Variants in WRN observed in about 807,000 individuals in gnomAD.
The protein encoded by WRN is WRN RecQ like helicase.
A neutral mutation model predicts 180.7 loss-of-function variants in WRN; 149 were observed. The ratio of observed to expected loss-of-function variants is 0.82; its 90% CI spans 0.72 to 0.94. The LOEUF (loss-of-function observed/expected upper bound fraction) is 0.94. Ranked by LOEUF, WRN falls within the 40% of genes least tolerant of loss-of-function variation. WRN has a pLI of 0.00. For missense variants in WRN, 1,661 were observed against 1,700.1 expected, an observed-to-expected ratio of 0.98 and a Z score of 0.40; for synonymous variants, 548 against 568.9, an observed-to-expected ratio of 0.96 and a Z score of 0.52.
chr8:31,090,034 T>G (rs999707957), intron 13 of WRN, among the ~76,000 whole-genome samples: 1 of 151,876 alleles, frequency 6.6e-6, no homozygotes, highest in African/African-American at 2.4e-5. Flanking sequence ...AAACTTTAAG[T>G]GTACATTTGC....
At position 31,081,198 on chromosome 8, in the gene WRN, T is replaced by A. The variant is rs1060500062; in HGVS notation, c.1171T>A (p.Cys391Ser). ...NKLKENMERACLMSLDITEHE... is the reference protein window; with the variant it reads ...NKLKENMERASLMSLDITEHE... ...ATTGAAAGAGAATATGGAAAGAGCT[T>A]GTTTGATGTCGTTAGATATTACAGA... is the stretch of plus-strand genomic sequence containing the variant. Residue 391 changes from cysteine to serine, a missense_variant, in exon 9 of 35, where the codon TGT becomes AGT. By Grantham distance (112) the Cys-to-Ser change is moderately radical (BLOSUM62 -1). Transcript: ENST00000298139. 1.2e-6 allele frequency: 2 copies of A among 1,613,816 alleles called. No individual in the cohort carries two copies. Among genetic ancestry groups the A allele is most frequent in the African/African-American group, 2.7e-5 (2 of 74,916 alleles).
chr8:31,149,395 T>TA (rs1233590009), intron 30 of WRN, among the ~76,000 whole-genome samples: 11 of 133,130 alleles, frequency 8.3e-5, no homozygotes, highest in African/African-American at 1.7e-4. Context: ...AGACTCCGTC[T>TA]AAAAAAAAAA....
intron 19 of WRN, among the ~76,000 whole-genome samples, chr8:31,115,553 T>G (rs1801486039): frequency 6.6e-6 from 1 of 152,224 alleles, no homozygotes; most frequent in African/African-American, 2.4e-5. Flanking sequence ...AAGCAAATAT[T>G]TTTGTAAATT....
chr8:31,101,981 C>T lies in WRN; in HGVS notation c.2088+1026C>T, dbSNP rs1023176737. Among the ~76,000 whole-genome samples, 9 of 151,318 alleles carry T rather than the reference C, an allele frequency of 5.9e-5. No homozygotes were observed. In the South Asian group the frequency reaches 1.7e-3, roughly 28 times the overall value. ...GTCCTATGTACCTTTCATCCAGTTT[C>T]CTGAACAGTAACATCTTGTGTGACT... On this transcript the variant is annotated intron_variant, in intron 18 of 34. Transcript: ENST00000298139.
rs183590691 is a variant in WRN, at chr8:31,065,898, G to A, written c.504+835G>A. Among the ~76,000 whole-genome samples, 84 of 141,534 alleles carry A rather than the reference G, an allele frequency of 5.9e-4. 1 individual carries two copies. The highest frequency in any genetic ancestry group is 2.2e-3 in the African/African-American group (81 of 37,600). 92.9% of individuals were successfully genotyped at this position (141,534 alleles called of 152,430 possible). A position where few individuals can be genotyped will look rare whatever the true frequency, so the allele number is the denominator to read the frequency against. On this transcript the variant is annotated intron_variant, in intron 5 of 34. Transcript: ENST00000298139. ...CTTTTCTTTTTTTTTTTTTTTTTGA[G>A]GTGGAGTTTCGCTCTTGTTGCCCAG...
At chr8:31,114,229 T>G (rs1262157184) in intron 19 of WRN, among the ~76,000 whole-genome samples, 3 of 152,182 alleles carry the variant, frequency 2.0e-5, no homozygotes, top group Non-Finnish European at 4.4e-5. Flanking sequence ...AATTTGTTTA[T>G]CAGTATTCAA....
chr8:31,126,782 A>C (rs1288884634), intron 23 of WRN, among the ~76,000 whole-genome samples: 1 of 152,100 alleles, frequency 6.6e-6, no homozygotes, highest in Non-Finnish European at 1.5e-5. Flanking sequence ...CAATAGAGAA[A>C]ATCAACTCAA....
intron 3 of WRN, among the ~76,000 whole-genome samples, chr8:31,061,067 C>T (rs1007517621): frequency 6.6e-6 from 1 of 152,102 alleles, no homozygotes; most frequent in African/African-American, 2.4e-5. Flanking sequence ...TTATTCTTTT[C>T]TCTTTCTGGG....
chr8:31,034,286 C>T (rs192855777), intron 1 of WRN, among the ~76,000 whole-genome samples: 58 of 152,284 alleles, frequency 3.8e-4, no homozygotes, highest in African/African-American at 1.3e-3. Flanking sequence ...AATTGAGCCA[C>T]TACAGGTCTG....
intron 16 of WRN, among the ~76,000 whole-genome samples, chr8:31,092,359 A>G (rs1000658644): frequency 4.0e-5 from 6 of 151,860 alleles, no homozygotes; most frequent in African/African-American, 1.5e-4. Context: ...ACTGGATTCT[A>G]GGTCTCTTGC....
chr8:31,107,693 A>C (rs967410837), intron 18 of WRN, among the ~76,000 whole-genome samples: 3 of 152,134 alleles, frequency 2.0e-5, no homozygotes, highest in Non-Finnish European at 4.4e-5. Flanking sequence ...GGAATGTTTC[A>C]CACTATATTA....
intron 7 of WRN, among the ~76,000 whole-genome samples, chr8:31,069,281 C>T (rs911028367): frequency 6.6e-6 from 1 of 152,172 alleles, no homozygotes; most frequent in African/African-American, 2.4e-5. Flanking sequence ...GTGGCAGGCC[C>T]TCCTTTATAT....
chr8:31,080,978 A>G lies in WRN; in HGVS notation c.951A>G (p.Leu317=). The G allele has an allele frequency of 1.9e-6, 3 of 1,614,002 alleles. 1 individual carries two copies. In the South Asian group the frequency reaches 3.3e-5, roughly 18 times the overall value. The stretch of plus-strand genomic sequence containing the variant: ...TGAGGCCCAGCAATAATTTAAACTT[A>G]TTATCCTTTGAAGATTCAACTACTG... ...TELRPSNNLN[L]LSFEDSTTGG... The change falls in exon 9 of 35, where the codon TTA becomes TTG. Residue 317 remains leucine, a synonymous_variant. Transcript: ENST00000298139.
intron 17 of WRN, among the ~76,000 whole-genome samples, chr8:31,099,383 A>AAAGGAAGGAAGGAAGG (rs564093090): frequency 1.1e-3 from 155 of 147,320 alleles, no homozygotes; most frequent in African/African-American, 3.8e-3. Context: ...TAGCCTAAGA[A>AAAGGAAGGAAGGAAGG]AAGGAAGGAA....
chr8:31,092,105 T>A (rs967936290), intron 16 of WRN, among the ~76,000 whole-genome samples: 1 of 152,136 alleles, frequency 6.6e-6, no homozygotes, highest in Non-Finnish European at 1.5e-5. Flanking sequence ...TCCATGATTT[T>A]AAAATGCACT....
chr8:31,037,330 G>T (rs1473488360), intron 1 of WRN, among the ~76,000 whole-genome samples: 1 of 152,222 alleles, frequency 6.6e-6, no homozygotes, highest in Non-Finnish European at 1.5e-5. Context: ...GTAACGTGAG[G>T]AATGGGGAGC....
At chr8:31,099,453 CA>C (rs1019747323) in intron 17 of WRN, among the ~76,000 whole-genome samples, 8 of 151,044 alleles carry the variant, frequency 5.3e-5, no homozygotes, top group Non-Finnish European at 1.2e-4. Flanking sequence ...TTTCAAAAGC[CA>C]AAACAGTGAT....
rs1397209481 is a variant in WRN, at chr8:31,100,922, G to T, written c.2055G>T (p.Arg685Ser). 6.2e-7 allele frequency: 1 copy of T among 1,613,928 alleles called. No individual in the cohort carries two copies. The highest frequency in any genetic ancestry group is 8.5e-7 in the Non-Finnish European group (1 of 1,179,910). ...GGCATGATTTTAGGGATTCATTCAG[G>T]AAGTTGGGCTCCCTAAAGACAGCAC... ...EWGHDFRDSF[R>S]KLGSLKTALP... is the part of the protein sequence containing the mutation. The change falls in exon 18 of 35, where the codon AGG (arginine) becomes AGT (serine). Residue 685 changes from arginine to serine, a missense_variant. Physicochemically the swap from Arg to Ser is moderately radical, Grantham distance 110. Coordinates refer to ENST00000298139, the MANE Select transcript of WRN (RefSeq NM_000553.6).
chr8:31,159,659 G>A (rs564308533), intron 33 of WRN, among the ~76,000 whole-genome samples: 6 of 143,362 alleles, frequency 4.2e-5, no homozygotes, highest in South Asian at 4.4e-4. Context: ...AAGGTGTTGC[G>A]CCAGGCACTG....
Sources: gnomAD v4.1 joint callset for allele counts (sites outside exome capture counted in the v4.1 genomes callset) on GRCh38, gnomAD v4.1.1 for gene constraint, MANE v1.5 for transcripts, NCBI Gene and HGNC (gene_info 2026-07-23, HGNC 2026-07-21) for gene names.